FAAH2: variants seen among roughly 807,000 people sequenced by gnomAD.
FAAH2 encodes the protein fatty acid amide hydrolase 2.
A neutral mutation model predicts 36.9 loss-of-function variants in FAAH2; 60 were observed. That is an observed-to-expected ratio of 1.63 (90% CI 1.32 to 2.02). The LOEUF is 2.02. Ranked by LOEUF, FAAH2 falls within the 30% of genes most tolerant of loss-of-function variation. The pLI is 0.00. For missense variants in FAAH2, 689 were observed against 397.5 expected (o/e 1.73, Z -6.23); for synonymous variants, 214 against 143.8 (o/e 1.49, Z -3.49).
chrX:57,191,331 A>G, the FAAH2 span, among the ~76,000 whole-genome samples: 1 of 110,186 alleles, frequency 9.1e-6, no homozygotes, highest in African/African-American at 3.3e-5. Context: ...TTTAAAAATT[A>G]TATTATTATA....
the FAAH2 span, among the ~76,000 whole-genome samples, chrX:57,238,948 C>G: frequency 8.9e-6 from 1 of 112,046 alleles, no homozygotes; most frequent in Non-Finnish European, 1.9e-5. Context: ...GTATCCATTT[C>G]ACTGAAAATA....
intron 8 of FAAH2, among the ~76,000 whole-genome samples, chrX:57,442,740 G>A (rs910995923): frequency 1.3e-4 from 14 of 111,781 alleles, no homozygotes; most frequent in African/African-American, 4.2e-4. Flanking sequence ...TTTTGCAGTG[G>A]CTGTTACTGG....
At chrX:57,276,601 C>T in the FAAH2 span, among the ~76,000 whole-genome samples, 497 of 110,857 alleles carry the variant, frequency 4.5e-3, 1 homozygote, top group African/African-American at 0.015. Flanking sequence ...AATAGAGACA[C>T]AAAAAACCCT....
At chrX:57,216,767 C>CTTTT in the FAAH2 span, among the ~76,000 whole-genome samples, 2 of 102,170 alleles carry the variant, frequency 2.0e-5, no homozygotes, top group African/African-American at 6.9e-5. Context: ...ATAATAACTT[C>CTTTT]TTTTTTTCTG....
chrX:57,446,057 T>C (rs774695507), intron 8 of FAAH2, among the ~76,000 whole-genome samples: 2 of 112,348 alleles, frequency 1.8e-5, no homozygotes, highest in Non-Finnish European at 3.8e-5. Flanking sequence ...GCTTTGGTGC[T>C]AGCATAATTT....
At chrX:57,385,607 C>T (rs1480134940) in intron 7 of FAAH2, among the ~76,000 whole-genome samples, 1 of 111,476 alleles carries the variant, frequency 9.0e-6, no homozygotes, top group Non-Finnish European at 1.9e-5. Context: ...GCCCTCATGG[C>T]CTAATCACTT....
intron 7 of FAAH2, among the ~76,000 whole-genome samples, chrX:57,420,242 T>TC (rs1391517110): frequency 9.0e-6 from 1 of 111,328 alleles, no homozygotes; most frequent in African/African-American, 3.3e-5. Flanking sequence ...GTAGTTTTTT[T>TC]CCAATTCTGT....
intron 7 of FAAH2, 147 bp from the exon 8 acceptor site, chrX:57,431,771 G>GTTTTTTTTTT (rs1218617071): frequency 1.4e-4 from 28 of 202,028 alleles, no homozygotes; most frequent in African/African-American, 1.2e-3. Flanking sequence ...TTGTTTTTTT[G>GTTTTTTTTTT]TTTTTTTGTT....
chrX:57,179,549 G>A, the FAAH2 span, among the ~76,000 whole-genome samples: 2 of 112,060 alleles, frequency 1.8e-5, no homozygotes, highest in Non-Finnish European at 3.8e-5. Flanking sequence ...ATGGTAAAGG[G>A]TTCAATTCAA....
intron 10 of FAAH2, among the ~76,000 whole-genome samples, chrX:57,467,248 T>G (rs771879043): frequency 1.8e-5 from 2 of 110,959 alleles, no homozygotes. Context: ...TGTTGGACAG[T>G]GGGTGCAGGA....
rs758838452 is a variant in FAAH2 at position 57,305,117 on chromosome X, C to T, written c.276-5476C>T. On this transcript the variant is annotated intron_variant, in intron 2 of 10. Coordinates refer to ENST00000374900, the MANE Select transcript of FAAH2 (RefSeq NM_174912.4). ...AATGGTTCATGTAGTTATAAATATA[C>T]TTAGCCTTGGTCTTCTATGACTTCA... Among the ~76,000 whole-genome samples the T allele has an allele frequency of 9.1e-5, 10 of 109,490 alleles. No homozygotes were observed. In the South Asian group the frequency reaches 3.9e-3, roughly 43 times the overall value.
chrX:57,368,369 G>A (rs1296563522), intron 5 of FAAH2, among the ~76,000 whole-genome samples: 2 of 110,514 alleles, frequency 1.8e-5, no homozygotes, highest in African/African-American at 3.3e-5. Flanking sequence ...ACAAGCTTGT[G>A]GGCAAGCTCA....
At chrX:57,253,946 G>A in the FAAH2 span, among the ~76,000 whole-genome samples, 1 of 111,456 alleles carries the variant, frequency 9.0e-6, no homozygotes, top group African/African-American at 3.3e-5. Context: ...ATGTAAATAG[G>A]CTAAAGGTCC....
intron 9 of FAAH2, among the ~76,000 whole-genome samples, chrX:57,447,712 G>C (rs1242061114): frequency 2.2e-5 from 2 of 90,199 alleles, no homozygotes; most frequent in African/African-American, 7.8e-5. Context: ...TGGCTAGAGG[G>C]GCTGGAATGC....
intron 4 of FAAH2, 102 bp downstream of exon 4, chrX:57,331,909 G>A: frequency 2.4e-6 from 2 of 821,511 alleles, no homozygotes; most frequent in Admixed American, 2.9e-5. Context: ...TGACCTATAA[G>A]AATGGATGCA....
At chrX:57,384,599 G>A (rs2054960933) in intron 7 of FAAH2, among the ~76,000 whole-genome samples, 1 of 111,334 alleles carries the variant, frequency 9.0e-6, no homozygotes, top group South Asian at 3.8e-4. Flanking sequence ...GGCCATCAGA[G>A]AAATGCAAAT....
At chrX:57,139,015 CT>C in the FAAH2 span, among the ~76,000 whole-genome samples, 4 of 111,959 alleles carry the variant, frequency 3.6e-5, no homozygotes, top group Non-Finnish European at 7.5e-5. Flanking sequence ...TAGGTTGTCT[CT>C]TCATTTTATG....
At chrX:57,315,547 A>G (rs1456368733) in intron 3 of FAAH2, among the ~76,000 whole-genome samples, 2 of 111,696 alleles carry the variant, frequency 1.8e-5, no homozygotes, top group Non-Finnish European at 3.8e-5. Context: ...AACACAACAA[A>G]AAGTTAACTC....
intron 7 of FAAH2, among the ~76,000 whole-genome samples, chrX:57,417,323 T>C (rs2055870387): frequency 8.9e-6 from 1 of 112,217 alleles, no homozygotes; most frequent in South Asian, 3.7e-4. Flanking sequence ...TTTTTGGAAT[T>C]TTCAGGCTCT....
Sources: allele counts gnomAD v4.1 joint callset (sites outside exome capture counted in the v4.1 genomes callset), GRCh38; gene constraint gnomAD v4.1.1; transcripts MANE v1.5; gene names NCBI Gene and HGNC (gene_info 2026-07-23, HGNC 2026-07-21).